CLASP1: variants seen among roughly 807,000 people sequenced by gnomAD.
CLASP1 encodes cytoplasmic linker associated protein 1, also known as CLIP-associating protein 1.
A neutral mutation model predicts 192.3 loss-of-function variants in CLASP1; 38 were observed. The ratio of observed to expected loss-of-function variants is 0.20; its 90% CI spans 0.15 to 0.26. The LOEUF (loss-of-function observed/expected upper bound fraction) is 0.26. Among genes scored for constraint, CLASP1 ranks in the 10% least tolerant of loss-of-function variants. The probability of loss-of-function intolerance (pLI) is 1.00; values close to 1 mark genes in which losing one functional copy is unlikely to be tolerated. For missense variants in CLASP1, 1,433 were observed against 1,932.5 expected (o/e 0.74, Z 4.85); for synonymous variants, 691 against 712.8 (o/e 0.97, Z 0.49).
At chr2:121,493,098 C>T (rs142544704) in intron 8 of CLASP1, among the ~76,000 whole-genome samples, 80 of 152,268 alleles carry the variant, frequency 5.3e-4, no homozygotes, top group African/African-American at 1.9e-3. Context: ...CCAACATAAT[C>T]CCTATCAAAT....
At chr2:121,348,837 T>C (rs1179809699) in intron 37 of CLASP1, 119 bp from the exon 39 acceptor site, 8 of 903,034 alleles carry the variant, frequency 8.9e-6, no homozygotes, top group South Asian at 1.8e-5. Flanking sequence ...ACGGCAGCCA[T>C]TGCTTCGCCT....
intron 8 of CLASP1, chr2:121,470,293 CTTTTTT>C (rs70954550): frequency 7.3e-3 from 2,235 of 306,952 alleles, no homozygotes; most frequent in East Asian, 0.02. Flanking sequence ...ACCATCCATG[CTTTTTT>C]TTTTTTTTTT....
chr2:121,523,088 C>A (rs1486608254), intron 6 of CLASP1, among the ~76,000 whole-genome samples: 1 of 152,208 alleles, frequency 6.6e-6, no homozygotes, highest in African/African-American at 2.4e-5. Flanking sequence ...GAAACTGAGG[C>A]TCAAGATGCA....
chr2:121,478,659 C>CAT (rs2091986489), intron 8 of CLASP1, among the ~76,000 whole-genome samples: 1 of 91,526 alleles, frequency 1.1e-5, no homozygotes, highest in South Asian at 3.5e-4. Context: ...CACACACACA[C>CAT]ACCCCCCACA....
intron 2 of CLASP1, among the ~76,000 whole-genome samples, chr2:121,544,960 G>A (rs2095303381): frequency 6.6e-6 from 1 of 150,738 alleles, no homozygotes; most frequent in African/African-American, 2.4e-5. Context: ...CACCCAGGCT[G>A]GAGTGTAGTG....
chr2:121,594,313 T>A (rs980920227), intron 2 of CLASP1, among the ~76,000 whole-genome samples: 5 of 144,392 alleles, frequency 3.5e-5, no homozygotes, highest in East Asian at 4.1e-4. Flanking sequence ...AAAAAAAAAA[T>A]TTTCTTGTTG....
At chr2:121,491,711 C>T (rs2093315588) in intron 8 of CLASP1, among the ~76,000 whole-genome samples, 3 of 152,224 alleles carry the variant, frequency 2.0e-5, no homozygotes, top group South Asian at 2.1e-4. Context: ...CATTCAAAGC[C>T]GAAAGGCCTT....
chr2:121,365,890 T>C (rs2067314892), intron 35 of CLASP1, among the ~76,000 whole-genome samples: 1 of 152,208 alleles, frequency 6.6e-6, no homozygotes, highest in Non-Finnish European at 1.5e-5. Context: ...CATAGTTACC[T>C]GCAGGGCTGT....
At chr2:121,535,510 ATAAAG>A (rs2095040342) in intron 2 of CLASP1, among the ~76,000 whole-genome samples, 1 of 152,250 alleles carries the variant, frequency 6.6e-6, no homozygotes, top group South Asian at 2.1e-4. Flanking sequence ...AAAATCCAGA[ATAAAG>A]TAAAGAGAAG....
chr2:121,563,235 T>C (rs1199727203), intron 2 of CLASP1, among the ~76,000 whole-genome samples: 1 of 152,192 alleles, frequency 6.6e-6, no homozygotes, highest in African/African-American at 2.4e-5. Context: ...TTCTCCACTT[T>C]TTTCATAGGA....
intron 2 of CLASP1, among the ~76,000 whole-genome samples, chr2:121,600,915 T>G (rs969062024): frequency 3.9e-5 from 6 of 152,208 alleles, no homozygotes; most frequent in Admixed American, 1.3e-4. Context: ...ACACTCATTT[T>G]CCAGTGGTGC....
intron 2 of CLASP1, among the ~76,000 whole-genome samples, chr2:121,533,187 C>T (rs1048946899): frequency 6.6e-6 from 1 of 152,072 alleles, no homozygotes; most frequent in Non-Finnish European, 1.5e-5. Context: ...TGGAAACTCC[C>T]GAAGAAGACT....
At chr2:121,390,015 T>C (rs373119389) in intron 30 of CLASP1, among the ~76,000 whole-genome samples, 1 of 152,186 alleles carries the variant, frequency 6.6e-6, no homozygotes, top group Non-Finnish European at 1.5e-5. Flanking sequence ...GCTGGGATTA[T>C]AGGCATATGC....
At position 121,516,883 on chromosome 2, in the gene CLASP1, G is replaced by T. The variant is rs551838364; in HGVS notation, c.547-1121C>A. On this transcript the variant is annotated intron_variant, in intron 6 of 39. Transcript: ENST00000263710. The stretch of plus-strand genomic sequence containing the variant: ...CTCTACTATAAATACAAAAAAATTA[G>T]CCGGGCGTGGTGGTGCATGCACCTG... 7.4e-4 allele frequency among the ~76,000 whole-genome samples: 113 copies of T among 152,268 alleles called. No individual in the cohort carries two copies. The South Asian group carries it at 0.022, about 30-fold the overall frequency.
At chr2:121,559,030 CCT>C (rs1209383021) in intron 2 of CLASP1, among the ~76,000 whole-genome samples, 2 of 152,180 alleles carry the variant, frequency 1.3e-5, no homozygotes, top group African/African-American at 2.4e-5. Context: ...AAAGCCATCC[CCT>C]GTCTGAATTC....
chr2:121,562,151 T>C (rs2059140703), intron 2 of CLASP1, among the ~76,000 whole-genome samples: 2 of 152,226 alleles, frequency 1.3e-5, no homozygotes, highest in African/African-American at 4.8e-5. Context: ...ATCTTTGTCC[T>C]GGACAGCAAG....
rs569759523 is a variant in CLASP1 at position 121,486,828 on chromosome 2, C to T, written c.712+16339G>A. ...CCAGAACCCTCTTTAGCTAGAGAGGCAAATACCATACCGCTACATACGAAG... is the reference window on the plus strand; with the variant it reads ...CCAGAACCCTCTTTAGCTAGAGAGGTAAATACCATACCGCTACATACGAAG... On this transcript the variant is annotated intron_variant, in intron 8 of 39. Transcript: ENST00000263710. Among the ~76,000 whole-genome samples, 98 of 152,278 alleles carry T rather than the reference C, an allele frequency of 6.4e-4. 2 individuals carry two copies. Among genetic ancestry groups the T allele is most frequent in the Non-Finnish European group, 1.0e-4 (7 of 68,024 alleles).
chr2:121,449,017 A>C (rs2084907304), exon 17 of CLASP1: 22 of 1,613,978 alleles, frequency 1.4e-5, no homozygotes, highest in Non-Finnish European at 1.9e-5. Context: ...ATGCTGTCTG[A>C]GTTCTTCAGG....
At chr2:121,409,083 G>A in intron 24 of CLASP1, 2 of 1,530,640 alleles carry the variant, frequency 1.3e-6, no homozygotes, top group Non-Finnish European at 8.9e-7. Context: ...TGGGGAAAAA[G>A]CATAGAGAAT....
Sources: gnomAD v4.1 joint callset for allele counts (sites outside exome capture counted in the v4.1 genomes callset) on GRCh38, gnomAD v4.1.1 for gene constraint, MANE v1.5 for transcripts, NCBI Gene and HGNC (gene_info 2026-07-23, HGNC 2026-07-21) for gene names.